GPC5: variants seen among roughly 807,000 people sequenced by gnomAD.
The protein encoded by GPC5 is glypican-5.
Under a neutral mutation model 53.9 loss-of-function variants are expected in GPC5, and 47 were observed. That is an observed-to-expected ratio of 0.87 (90% CI 0.69 to 1.11). GPC5 has a LOEUF of 1.11. Ranked by LOEUF, GPC5 falls within the 50% of genes most tolerant of loss-of-function variation. The pLI is 0.00. For synonymous variants in GPC5, 286 were observed against 263.3 expected, an observed-to-expected ratio of 1.09 and a Z score of -0.84; for missense variants, 748 against 713.1, an observed-to-expected ratio of 1.05 and a Z score of -0.56.
chr13:91,743,782 C>T (rs1305654373), intron 4 of GPC5, among the ~76,000 whole-genome samples: 1 of 152,166 alleles, frequency 6.6e-6, no homozygotes, highest in Admixed American at 6.6e-5. Flanking sequence ...GGGCACACAG[C>T]TCCACCATGA....
chr13:92,178,344 A>G (rs1472107437), intron 7 of GPC5, among the ~76,000 whole-genome samples: 2 of 152,034 alleles, frequency 1.3e-5, no homozygotes, highest in Non-Finnish European at 2.9e-5. Context: ...GAAAATGCAT[A>G]TAAAACTGGA....
At chr13:92,031,150 A>C (rs561679688) in intron 6 of GPC5, among the ~76,000 whole-genome samples, 1 of 152,014 alleles carries the variant, frequency 6.6e-6, no homozygotes, top group Non-Finnish European at 1.5e-5. Context: ...ATCCCCATTC[A>C]GGTTCATGTG....
chr13:92,665,063 G>A (rs34378377), intron 7 of GPC5, among the ~76,000 whole-genome samples: 36,179 of 151,998 alleles, frequency 0.24, 5,001 homozygotes, highest in South Asian at 0.39. Context: ...ATCACCATAT[G>A]ATGAAAATAT....
Position 91,761,970 on chromosome 13 carries a change from T to G in GPC5, c.1280+5550T>G, listed in dbSNP as rs534661058. 1.9e-4 allele frequency among the ~76,000 whole-genome samples: 29 copies of G among 152,318 alleles called. No individual in the cohort carries two copies. The South Asian group carries it at 5.4e-3, about 28-fold the overall frequency. On this transcript the variant is annotated intron_variant, in intron 5 of 7. Transcript: ENST00000377067. The stretch of plus-strand genomic sequence containing the variant: ...CAACTTTAGCATACAAAAAGCACTT[T>G]GGAGATTCCAAGGATTTTAGCAAAT...
chr13:92,697,024 T>A (rs1009647626), intron 7 of GPC5, among the ~76,000 whole-genome samples: 5 of 152,028 alleles, frequency 3.3e-5, no homozygotes, highest in African/African-American at 1.2e-4. Flanking sequence ...GTGGCATGAT[T>A]TCTGAGGCCT....
chr13:91,689,176 CATATATAAATATAT>C (rs1319185994), intron 2 of GPC5, among the ~76,000 whole-genome samples: 1 of 59,010 alleles, frequency 1.7e-5, no homozygotes, highest in African/African-American at 5.8e-5. Context: ...CTCAAAAAAT[CATATATAAATATAT>C]ATATATATAT....
intron 6 of GPC5, among the ~76,000 whole-genome samples, chr13:91,971,002 C>A (rs1416548472): frequency 3.3e-5 from 5 of 152,114 alleles, no homozygotes; most frequent in African/African-American, 1.2e-4. Flanking sequence ...GGAAGGATTC[C>A]CTCTTTTGCT....
Position 91,660,368 on chromosome 13 carries a change from T to C in GPC5, c.326-32819T>C, listed in dbSNP as rs562464570. On this transcript the variant is annotated intron_variant, in intron 2 of 7. Transcript: ENST00000377067. ...GTCTCTTATGAGGCACCCTGTGGAG[T>C]GGCCCACATAAGTGAGCCTGGAAGC... Among the ~76,000 whole-genome samples the C allele has an allele frequency of 2.6e-5, 4 of 152,224 alleles. No homozygotes were observed. In the South Asian group the frequency reaches 8.3e-4, roughly 32 times the overall value.
At chr13:91,583,850 G>C (rs1173329794) in intron 2 of GPC5, among the ~76,000 whole-genome samples, 1 of 152,192 alleles carries the variant, frequency 6.6e-6, no homozygotes, top group East Asian at 1.9e-4. Context: ...CAGTGTACCA[G>C]GTATGTTGCA....
At chr13:91,928,886 G>T (rs1220935871) in intron 6 of GPC5, among the ~76,000 whole-genome samples, 3 of 152,142 alleles carry the variant, frequency 2.0e-5, no homozygotes, top group Non-Finnish European at 4.4e-5. Flanking sequence ...TGAAGAGAAA[G>T]GGACATTGTG....
intron 7 of GPC5, among the ~76,000 whole-genome samples, chr13:92,757,119 G>C (rs934404144): frequency 6.6e-6 from 1 of 151,930 alleles, no homozygotes. Context: ...GCATGGTACT[G>C]GTACCAAAAC....
At chr13:91,806,041 T>C (rs1363142325) in intron 5 of GPC5, among the ~76,000 whole-genome samples, 1 of 137,848 alleles carries the variant, frequency 7.3e-6, no homozygotes, top group Non-Finnish European at 1.6e-5. Flanking sequence ...TTTTTTTTTT[T>C]TTTTTTTTTT....
rs8001177 is a variant in GPC5 at position 91,744,310 on chromosome 13, T to C, written c.1155-11985T>C. On this transcript the variant is annotated intron_variant, in intron 4 of 7. Coordinates refer to ENST00000377067, the MANE Select transcript of GPC5 (RefSeq NM_004466.6). ...GAAAAACTGGGAATAAAAGGATACCTAGGTGACATGTAACATTCCACAGCA... is the reference window on the plus strand; with the variant it reads ...GAAAAACTGGGAATAAAAGGATACCCAGGTGACATGTAACATTCCACAGCA... Among the ~76,000 whole-genome samples, 191 of 152,230 alleles carry C rather than the reference T, an allele frequency of 1.3e-3. 1 individual carries two copies. The highest frequency in any genetic ancestry group is 4.5e-3 in the African/African-American group (186 of 41,550).
chr13:91,964,867 AT>A (rs2040165487), intron 6 of GPC5, among the ~76,000 whole-genome samples: 1 of 152,158 alleles, frequency 6.6e-6, no homozygotes, highest in African/African-American at 2.4e-5. Flanking sequence ...TATTAAGAAA[AT>A]GTGGCACATA....
At chr13:92,529,487 C>T (rs1881477020) in intron 7 of GPC5, among the ~76,000 whole-genome samples, 1 of 152,106 alleles carries the variant, frequency 6.6e-6, no homozygotes, top group Non-Finnish European at 1.5e-5. Flanking sequence ...ATCAAATCAG[C>T]AACACACATA....
intron 2 of GPC5, among the ~76,000 whole-genome samples, chr13:91,503,393 T>C (rs1225093670): frequency 6.9e-6 from 1 of 145,974 alleles, no homozygotes; most frequent in Non-Finnish European, 1.5e-5. Context: ...GCTCCACCCC[T>C]TCTGTAAAAC....
chr13:92,649,912 G>A (rs1462706642), intron 7 of GPC5, among the ~76,000 whole-genome samples: 1 of 151,962 alleles, frequency 6.6e-6, no homozygotes, highest in Non-Finnish European at 1.5e-5. Context: ...AAAATGCTAG[G>A]CTAGGCAAGT....
chr13:92,212,492 A>G (rs1044011688), intron 7 of GPC5, among the ~76,000 whole-genome samples: 2 of 152,200 alleles, frequency 1.3e-5, no homozygotes, highest in African/African-American at 4.8e-5. Context: ...TCCATTGCTT[A>G]AGACAGTCCT....
intron 7 of GPC5, among the ~76,000 whole-genome samples, chr13:92,610,965 CAT>C (rs1235816218): frequency 2.1e-4 from 19 of 90,144 alleles, no homozygotes; most frequent in African/African-American, 6.2e-4. Context: ...AATCTCAATA[CAT>C]ATTTTTTTTT....
Sources: gnomAD v4.1 joint callset for allele counts (sites outside exome capture counted in the v4.1 genomes callset) on GRCh38, gnomAD v4.1.1 for gene constraint, MANE v1.5 for transcripts, NCBI Gene and HGNC (gene_info 2026-07-23, HGNC 2026-07-21) for gene names.